Variants in TRAM2 observed in about 807,000 individuals in gnomAD.
TRAM2 encodes translocating chain-associated membrane protein 2.
A neutral mutation model predicts 51.0 loss-of-function variants in TRAM2; 12 were observed. That is an observed-to-expected ratio of 0.24 (90% CI 0.15 to 0.38). The LOEUF (loss-of-function observed/expected upper bound fraction) is 0.38. TRAM2 is among the 10% of genes least tolerant of loss of function. The probability of loss-of-function intolerance (pLI) is 1.00; values close to 1 mark genes in which losing one functional copy is unlikely to be tolerated. For synonymous variants in TRAM2, 175 were observed against 179.4 expected, an observed-to-expected ratio of 0.98 and a Z score of 0.20; for missense variants, 361 against 462.0, an observed-to-expected ratio of 0.78 and a Z score of 2.00.
At chr6:52,541,801 C>T (rs999465461) in intron 1 of TRAM2, among the ~76,000 whole-genome samples, 11 of 75,228 alleles carry the variant, frequency 1.5e-4, no homozygotes, top group African/African-American at 4.7e-4. Context: ...TCAGTTTATT[C>T]TGTTTTTTTT....
intron 1 of TRAM2, among the ~76,000 whole-genome samples, chr6:52,571,235 C>A (rs1056622301): frequency 2.6e-5 from 4 of 152,224 alleles, no homozygotes; most frequent in Non-Finnish European, 5.9e-5. Flanking sequence ...CTAATCCGCT[C>A]TTATCAACCC....
intron 1 of TRAM2, among the ~76,000 whole-genome samples, chr6:52,574,933 T>C (rs1439578545): frequency 6.6e-6 from 1 of 152,166 alleles, no homozygotes; most frequent in Non-Finnish European, 1.5e-5. Flanking sequence ...AGAAACTTCG[T>C]CGCTGCAGCC....
Position 52,508,343 on chromosome 6 carries a change from C to T in TRAM2, c.471-25G>A, listed in dbSNP as rs147258427. ...GCTGGAGACAAGGGGGCAAGTCACACGGGCAGGATAGAGAAAAGTGTCCCT... is the reference window on the plus strand; with the variant it reads ...GCTGGAGACAAGGGGGCAAGTCACATGGGCAGGATAGAGAAAAGTGTCCCT... On this transcript the variant is annotated intron_variant, in intron 5 of 10. Transcript: ENST00000182527. 148 of 1,609,680 alleles carry T rather than the reference C, an allele frequency of 9.2e-5. No individual in the cohort carries two copies. The African/African-American group carries it at 1.4e-3, about 16-fold the overall frequency.
intron 1 of TRAM2, among the ~76,000 whole-genome samples, chr6:52,563,659 C>T (rs1448467762): frequency 7.8e-6 from 1 of 127,834 alleles, no homozygotes; most frequent in African/African-American, 3.1e-5. Context: ...GCAGAGCTTG[C>T]ACTCCAGCCT....
intron 1 of TRAM2, among the ~76,000 whole-genome samples, chr6:52,549,546 C>T (rs370580995): frequency 1.3e-5 from 2 of 152,182 alleles, no homozygotes; most frequent in South Asian, 2.1e-4. Context: ...CTAACAAATA[C>T]GGGAGTCCAA....
chr6:52,568,976 A>G (rs1019822431), intron 1 of TRAM2, among the ~76,000 whole-genome samples: 1 of 152,214 alleles, frequency 6.6e-6, no homozygotes, highest in Non-Finnish European at 1.5e-5. Context: ...AACCCAAAAA[A>G]GACATTAGAG....
In TRAM2 at chr6:52,557,192, C is replaced by CAAAAAA. The variant is rs371429027; in HGVS notation, c.120+19598_120+19603dup. 6.4e-5 allele frequency among the ~76,000 whole-genome samples: 9 copies of CAAAAAA among 140,076 alleles called. 1 individual carries two copies. Among genetic ancestry groups the CAAAAAA allele is most frequent in the Non-Finnish European group, 1.1e-4 (7 of 63,692 alleles). 91.9% of individuals were successfully genotyped at this position (140,076 alleles called of 152,430 possible). On this transcript the variant is annotated intron_variant, in intron 1 of 10. Transcript: ENST00000182527. ...TGGGAGACAAAGCAAAACTCTGTCT[C>CAAAAAA]AAAAAAAAAAGATATGTCTGGTGAG...
intron 2 of TRAM2, among the ~76,000 whole-genome samples, chr6:52,531,120 CAAA>C (rs35821052): frequency 9.3e-5 from 9 of 96,292 alleles, no homozygotes; most frequent in Admixed American, 1.2e-4. Context: ...CCTGGTTATG[CAAA>C]AAAAAAAAAA....
intron 1 of TRAM2, among the ~76,000 whole-genome samples, chr6:52,546,244 T>C (rs377050449): frequency 2.6e-5 from 4 of 152,040 alleles, no homozygotes; most frequent in African/African-American, 9.7e-5. Flanking sequence ...GAGGGGCCTG[T>C]GTATGGATGG....
At chr6:52,563,566 A>C (rs1347966924) in intron 1 of TRAM2, among the ~76,000 whole-genome samples, 1 of 151,926 alleles carries the variant, frequency 6.6e-6, no homozygotes, top group Non-Finnish European at 1.5e-5. Flanking sequence ...AAAAATACAA[A>C]AAATTAGCCA....
chr6:52,541,756 C>T lies in TRAM2; in HGVS notation c.121-5910G>A, dbSNP rs1230825087. Among the ~76,000 whole-genome samples the T allele has an allele frequency of 2.0e-5, 3 of 150,236 alleles. No individual in the cohort carries two copies. The East Asian group carries it at 5.8e-4, about 29-fold the overall frequency. On this transcript the variant is annotated intron_variant, in intron 1 of 10. Coordinates refer to ENST00000182527, the MANE Select transcript of TRAM2 (RefSeq NM_012288.4). ...AGAAGAACTGTGATGAAAGCAGTTTCATGGCTTCTCTTTTAAAGTATTAAA... is the reference window on the plus strand; with the variant it reads ...AGAAGAACTGTGATGAAAGCAGTTTTATGGCTTCTCTTTTAAAGTATTAAA...
chr6:52,556,927 CAAAAAAAA>C (rs11291654), intron 1 of TRAM2, among the ~76,000 whole-genome samples: 1 of 122,968 alleles, frequency 8.1e-6, no homozygotes, highest in Non-Finnish European at 1.7e-5. Context: ...GACTCCATCT[CAAAAAAAA>C]AAAAAAAAAT....
intron 2 of TRAM2, among the ~76,000 whole-genome samples, chr6:52,527,638 A>G (rs1346764658): frequency 6.6e-6 from 1 of 152,166 alleles, no homozygotes; most frequent in Non-Finnish European, 1.5e-5. Flanking sequence ...TGCAGGCTTC[A>G]GGCTGGTTAA....
At chr6:52,511,783 T>A (rs1258625303) in intron 4 of TRAM2, among the ~76,000 whole-genome samples, 1 of 135,720 alleles carries the variant, frequency 7.4e-6, no homozygotes, top group African/African-American at 3.2e-5. Flanking sequence ...TGATAAGTCC[T>A]TTTATCGGAT....
chr6:52,544,726 GTC>G (rs1767167805), intron 1 of TRAM2, among the ~76,000 whole-genome samples: 1 of 152,218 alleles, frequency 6.6e-6, no homozygotes, highest in East Asian at 1.9e-4. Flanking sequence ...GCACTCAAAT[GTC>G]TCTGTTTGTC....
rs1415548351 is a variant in TRAM2 at position 52,500,020 on chromosome 6, G to C, written c.*3177C>G. 6.6e-6 allele frequency: 1 copy of C among 152,236 alleles called. No homozygotes were observed. Among genetic ancestry groups the C allele is most frequent in the African/African-American group, 2.4e-5 (1 of 41,428 alleles). 9.4% of individuals were successfully genotyped at this position (152,236 alleles called of 1,614,324 possible). On this transcript the variant is annotated 3_prime_UTR_variant, in exon 11 of 11. Coordinates refer to ENST00000182527, the MANE Select transcript of TRAM2 (RefSeq NM_012288.4). ...TCACTGCACCTCCAAGGAGGGGAGC[G>C]GGTAGCACAGATCCTTGGTCCACCA...
At chr6:52,574,933 TC>T (rs1767739028) in intron 1 of TRAM2, among the ~76,000 whole-genome samples, 1 of 152,284 alleles carries the variant, frequency 6.6e-6, no homozygotes, top group East Asian at 1.9e-4. Flanking sequence ...AGAAACTTCG[TC>T]GCTGCAGCCT....
intron 1 of TRAM2, among the ~76,000 whole-genome samples, chr6:52,551,299 C>T (rs1422582421): frequency 6.6e-6 from 1 of 152,182 alleles, no homozygotes; most frequent in Admixed American, 6.5e-5. Flanking sequence ...ATAATGTCTC[C>T]TAATTAATAT....
chr6:52,505,286 CA>C (rs1766326016), intron 9 of TRAM2, among the ~76,000 whole-genome samples: 1 of 152,222 alleles, frequency 6.6e-6, no homozygotes. Context: ...AAAGCACCCA[CA>C]CACAAGAAGA....
Sources: allele counts gnomAD v4.1 joint callset (sites outside exome capture counted in the v4.1 genomes callset), GRCh38; gene constraint gnomAD v4.1.1; transcripts MANE v1.5; gene names NCBI Gene and HGNC (gene_info 2026-07-23, HGNC 2026-07-21).